Variants in LRRC9 observed in about 807,000 individuals in gnomAD.
LRRC9 encodes leucine-rich repeat-containing protein 9.
In LRRC9, 122 loss-of-function variants were observed where a neutral mutation model predicts 63.2. The ratio of observed to expected loss-of-function variants is 1.93; its 90% confidence interval spans 1.67 to 2.24. LRRC9 has a LOEUF of 2.24. Ranked by LOEUF, LRRC9 falls within the 30% of genes most tolerant of loss-of-function variation. LRRC9 has a pLI of 0.00. For missense variants in LRRC9, 1,071 were observed against 627.7 expected, an observed-to-expected ratio of 1.71 and a Z score of -7.55; for synonymous variants, 366 against 213.1, an observed-to-expected ratio of 1.72 and a Z score of -6.25.
chr14:60,053,328 C>A lies in LRRC9; in HGVS notation c.4131+123C>A. On this transcript the variant is annotated intron_variant, in intron 30 of 31. Coordinates refer to ENST00000445360, the Ensembl canonical transcript of LRRC9. This position sits in a 1 kb window ranked among gnomAD's most constrained non-coding sequence, Gnocchi z 4.8. ...TTTTTGATAAGGATGATCTTAGTAT[C>A]TATTTAGTGATTACTATCAAAGGCA... 1 of 546,346 alleles carries A rather than the reference C, an allele frequency of 1.8e-6. No individual in the cohort carries two copies. The highest frequency in any genetic ancestry group is 3.3e-6 in the Non-Finnish European group (1 of 305,428). The allele number at this position is 546,346 out of a possible 1,614,324, so 33.8% of individuals were successfully genotyped here. A position where few individuals can be genotyped will look rare whatever the true frequency, so the allele number is the denominator to read the frequency against.
chr14:59,973,266 G>T (rs1437425210), intron 12 of LRRC9, among the ~76,000 whole-genome samples: 2 of 151,968 alleles, frequency 1.3e-5, no homozygotes, highest in Non-Finnish European at 2.9e-5. Flanking sequence ...GTGGTGCCTT[G>T]TATTTTTTAA....
intron 29 of LRRC9, among the ~76,000 whole-genome samples, chr14:60,043,112 T>C (rs1171563737): frequency 6.6e-6 from 1 of 152,232 alleles, no homozygotes; most frequent in East Asian, 1.9e-4. Flanking sequence ...TGTTGACATA[T>C]ATAAATGCTA....
Position 59,938,363 on chromosome 14 carries a change from T to C in LRRC9, c.544-27T>C, listed in dbSNP as rs1418209532. On this transcript the variant is annotated intron_variant, in intron 6 of 31. Transcript: ENST00000445360. The surrounding 1 kb of genome is among the most constrained non-coding windows in gnomAD (Gnocchi z 4.2). ...TTTAGAAATGACAGTCACAATTAAC[T>C]GAACATTATCTTTGCTGGCATTTTA... The C allele has an allele frequency of 1.5e-6, 1 of 661,634 alleles. No individual in the cohort carries two copies. Among genetic ancestry groups the C allele is most frequent in the East Asian group, 2.9e-5 (1 of 35,046 alleles). The allele number at this position is 661,634 out of a possible 1,614,324, so 41.0% of individuals were successfully genotyped here. A position where few individuals can be genotyped will look rare whatever the true frequency, so the allele number is the denominator to read the frequency against.
At chr14:59,946,610 C>T (rs1189265677) in intron 8 of LRRC9, among the ~76,000 whole-genome samples, 1 of 145,832 alleles carries the variant, frequency 6.9e-6, no homozygotes, top group Non-Finnish European at 1.5e-5. Flanking sequence ...CACCCACTAA[C>T]TCGTCATCTA....
intron 8 of LRRC9, among the ~76,000 whole-genome samples, chr14:59,951,679 G>A (rs1361606709): frequency 2.0e-5 from 3 of 148,988 alleles, no homozygotes; most frequent in Admixed American, 2.0e-4. Context: ...GGTTTTCGGT[G>A]TGGATGTCCT....
At chr14:59,979,131 G>C (rs1345072210) in intron 15 of LRRC9, among the ~76,000 whole-genome samples, 2 of 152,048 alleles carry the variant, frequency 1.3e-5, no homozygotes, top group African/African-American at 2.4e-5. Context: ...CTTAGCCCAG[G>C]CATGGTGGCT....
At chr14:59,970,004 T>C (rs1300122948) in intron 12 of LRRC9, among the ~76,000 whole-genome samples, 2 of 152,128 alleles carry the variant, frequency 1.3e-5, no homozygotes, top group African/African-American at 2.4e-5. Flanking sequence ...CATGTGTAGG[T>C]TTGTTATTAG....
chr14:59,980,826 A>G (rs181751925), intron 15 of LRRC9, among the ~76,000 whole-genome samples: 198 of 152,336 alleles, frequency 1.3e-3, no homozygotes, highest in Middle Eastern at 3.4e-3. Context: ...TTTAACTCAC[A>G]TAACAACTCA....
chr14:59,977,383 C>A, intron 14 of LRRC9, 36 bp downstream of exon 14: 1 of 629,104 alleles, frequency 1.6e-6, no homozygotes, highest in Non-Finnish European at 2.8e-6. Flanking sequence ...GGTTTTATCT[C>A]TCTGAATGAA....
At chr14:60,055,599 A>C (rs1021909799) in intron 30 of LRRC9, among the ~76,000 whole-genome samples, 3 of 152,168 alleles carry the variant, frequency 2.0e-5, no homozygotes, top group Admixed American at 6.5e-5. Flanking sequence ...CTAAATCAAA[A>C]ATACTGGCAG....
intron 7 of LRRC9, among the ~76,000 whole-genome samples, chr14:59,939,018 T>TACATATACATATATACAC (rs1289838723): frequency 3.4e-5 from 4 of 116,184 alleles, no homozygotes; most frequent in Admixed American, 1.7e-4. Context: ...TATACACATA[T>TACATATACATATATACAC]ATATATACAT....
intron 29 of LRRC9, among the ~76,000 whole-genome samples, chr14:60,036,603 T>C (rs866207977): frequency 2.0e-5 from 3 of 152,198 alleles, no homozygotes; most frequent in Non-Finnish European, 1.5e-5. Flanking sequence ...GGGAGGTATA[T>C]TGCAAAGCTG....
downstream of LRRC9, among the ~76,000 whole-genome samples, chr14:60,065,997 T>C (rs911238289): frequency 6.6e-6 from 1 of 152,138 alleles, no homozygotes; most frequent in African/African-American, 2.4e-5. Context: ...AAAAAAATTT[T>C]TGTAGAGATG....
At chr14:60,033,015 T>C (rs900217423) in intron 29 of LRRC9, among the ~76,000 whole-genome samples, 29 of 152,194 alleles carry the variant, frequency 1.9e-4, no homozygotes, top group African/African-American at 6.3e-4. Context: ...ATTTATTTCA[T>C]GTCTTTGAAT....
intron 10 of LRRC9, among the ~76,000 whole-genome samples, chr14:59,965,845 T>G (rs1336376822): frequency 8.6e-6 from 1 of 116,064 alleles, no homozygotes; most frequent in East Asian, 3.0e-4. Context: ...ATGGCGCCCC[T>G]GCACTCTAGC....
chr14:59,997,283 A>G (rs1383803077), intron 17 of LRRC9, among the ~76,000 whole-genome samples: 1 of 152,136 alleles, frequency 6.6e-6, no homozygotes, highest in Non-Finnish European at 1.5e-5. Flanking sequence ...AACTCTGAAG[A>G]TGAACCTTTT....
intron 8 of LRRC9, among the ~76,000 whole-genome samples, chr14:59,957,019 C>T (rs182553584): frequency 5.6e-4 from 86 of 152,224 alleles, no homozygotes; most frequent in Non-Finnish European, 9.0e-4. Context: ...GATGGGCTTC[C>T]CTTTGTAGGT....
At chr14:59,982,875 A>G (rs929866828) in intron 16 of LRRC9, among the ~76,000 whole-genome samples, 1 of 152,228 alleles carries the variant, frequency 6.6e-6, no homozygotes, top group Non-Finnish European at 1.5e-5. Context: ...ATAACCAATC[A>G]GCTCTCTTCA....
rs984524536 is a variant in LRRC9 at position 59,986,040 on chromosome 14, T to C, written c.2211+816T>C. On this transcript the variant is annotated intron_variant, in intron 17 of 31. Coordinates refer to ENST00000445360, the Ensembl canonical transcript of LRRC9. This position sits in a 1 kb window ranked among gnomAD's most constrained non-coding sequence, Gnocchi z 4.7. ...CCACTTCACATCTTAAGATGGTCAG[T>C]TCCTCCCATCTGCTCATCCAGGTTA... 1.3e-5 allele frequency among the ~76,000 whole-genome samples: 2 copies of C among 152,142 alleles called. No homozygotes were observed. Among genetic ancestry groups the C allele is most frequent in the African/African-American group, 4.8e-5 (2 of 41,452 alleles).
Sources: gnomAD v4.1 joint callset for allele counts (sites outside exome capture counted in the v4.1 genomes callset) on GRCh38, gnomAD v4.1.1 for gene constraint, Gnocchi (gnomAD v3.1) non-coding constraint, MANE v1.5 for transcripts, NCBI Gene and HGNC (gene_info 2026-07-23, HGNC 2026-07-21) for gene names.